The following PCNX2 variants were observed in gnomAD, a reference collection of about 807,000 sequenced individuals.
The protein encoded by PCNX2 is pecanex-like protein 2.
PCNX2 carries 168 observed loss-of-function variants against 223.8 expected under a neutral mutation model. The ratio of observed to expected loss-of-function variants is 0.75; its 90% confidence interval spans 0.66 to 0.85. PCNX2 has a LOEUF of 0.85. PCNX2 is among the 40% of genes least tolerant of loss of function. The probability of loss-of-function intolerance (pLI) is 0.00; values close to 1 mark genes in which losing one functional copy is unlikely to be tolerated. For synonymous variants in PCNX2, 1,006 were observed against 1,052.6 expected (o/e 0.96, Z 0.86); for missense variants, 2,507 against 2,675.5 (o/e 0.94, Z 1.39).
intron 27 of PCNX2, among the ~76,000 whole-genome samples, chr1:233,016,235 A>G (rs1670650671): frequency 2.0e-5 from 3 of 152,304 alleles, no homozygotes; most frequent in Admixed American, 2.0e-4. Context: ...AGGACATGCC[A>G]CAGACTGCAT....
chr1:233,265,533 T>C (rs375211182), intron 1 of PCNX2, among the ~76,000 whole-genome samples: 1 of 152,200 alleles, frequency 6.6e-6, no homozygotes, highest in African/African-American at 2.4e-5. Flanking sequence ...GTTTTCCAGA[T>C]GATATGTCTA....
chr1:233,273,630 A>ATT (rs386369983), intron 1 of PCNX2, among the ~76,000 whole-genome samples: 28,208 of 146,354 alleles, frequency 0.19, 2,675 homozygotes, highest in South Asian at 0.26. Context: ...CTCTTTTGGC[A>ATT]TTTTTTTTTT....
intron 1 of PCNX2, among the ~76,000 whole-genome samples, chr1:233,283,532 A>C (rs897371639): frequency 5.3e-5 from 8 of 152,214 alleles, no homozygotes; most frequent in African/African-American, 1.9e-4. Flanking sequence ...GATATATCCA[A>C]GAAAACTCAT....
chr1:233,191,124 G>A (rs1261790995), intron 15 of PCNX2, among the ~76,000 whole-genome samples: 6 of 152,168 alleles, frequency 3.9e-5, no homozygotes, highest in Admixed American at 3.9e-4. Context: ...GCAAGAAAAA[G>A]TTGTGTAACA....
At chr1:233,102,707 T>C (rs950833221) in intron 21 of PCNX2, among the ~76,000 whole-genome samples, 1 of 151,990 alleles carries the variant, frequency 6.6e-6, no homozygotes, top group Admixed American at 6.5e-5. Flanking sequence ...TTCTAAATTG[T>C]TATTAATTTT....
intron 21 of PCNX2, among the ~76,000 whole-genome samples, chr1:233,119,449 G>A (rs1675628243): frequency 6.8e-6 from 1 of 146,206 alleles, no homozygotes. Flanking sequence ...GCCGGGCGTG[G>A]TGGTGGGCGC....
At chr1:233,143,047 C>T (rs942663365) in intron 19 of PCNX2, among the ~76,000 whole-genome samples, 2 of 152,200 alleles carry the variant, frequency 1.3e-5, no homozygotes, top group Non-Finnish European at 2.9e-5. Flanking sequence ...AAATCTATAA[C>T]TCAATATCTC....
intron 23 of PCNX2, among the ~76,000 whole-genome samples, chr1:233,063,617 T>C (rs928387523): frequency 2.6e-5 from 4 of 152,190 alleles, no homozygotes. Context: ...GAAATGTGAA[T>C]TTATTTTAGT....
intron 1 of PCNX2, among the ~76,000 whole-genome samples, chr1:233,278,182 AC>A (rs35271255): frequency 0.11 from 16,555 of 152,166 alleles, 948 homozygotes; most frequent in South Asian, 0.16. Flanking sequence ...CGCAGTCAAC[AC>A]TGGGCCCTTT....
intron 19 of PCNX2, among the ~76,000 whole-genome samples, chr1:233,156,733 C>T (rs1678155208): frequency 6.6e-6 from 1 of 152,136 alleles, no homozygotes; most frequent in Admixed American, 6.6e-5. Flanking sequence ...GACTGGCCAA[C>T]ATGGTGAAAC....
intron 26 of PCNX2, among the ~76,000 whole-genome samples, chr1:233,024,190 T>C (rs3766478): frequency 0.48 from 72,405 of 152,176 alleles, 20,528 homozygotes; most frequent in African/African-American, 0.8. Context: ...TCTGGGATTA[T>C]AGGCGTGAAC....
chr1:233,130,645 C>T (rs575981105), intron 21 of PCNX2, among the ~76,000 whole-genome samples: 24 of 151,920 alleles, frequency 1.6e-4, no homozygotes, highest in African/African-American at 5.6e-4. Context: ...CCACTGTGCC[C>T]GGCTAATTTT....
chr1:233,105,643 G>C (rs902162591), intron 21 of PCNX2, among the ~76,000 whole-genome samples: 5 of 152,196 alleles, frequency 3.3e-5, no homozygotes, highest in African/African-American at 1.2e-4. Context: ...CAGAAACAAT[G>C]CAGGGATGAT....
intron 5 of PCNX2, among the ~76,000 whole-genome samples, chr1:233,257,198 C>A (rs551307465): frequency 1.9e-4 from 29 of 152,208 alleles, no homozygotes; most frequent in African/African-American, 6.5e-4. Context: ...TTTTTATGAG[C>A]AAGGACTGTG....
At chr1:233,217,441 G>A (rs1218433640) in intron 12 of PCNX2, among the ~76,000 whole-genome samples, 1 of 152,052 alleles carries the variant, frequency 6.6e-6, no homozygotes, top group Non-Finnish European at 1.5e-5. Flanking sequence ...TACTGTTATA[G>A]CACATTAAAT....
At chr1:233,045,475 C>T (rs1479954793) in intron 25 of PCNX2, among the ~76,000 whole-genome samples, 2 of 152,236 alleles carry the variant, frequency 1.3e-5, no homozygotes, top group South Asian at 2.1e-4. Context: ...GTGTAACAGA[C>T]GTCTGTTGCA....
rs1439349566 is a variant in PCNX2 at position 233,258,380 on chromosome 1, G to C, written c.1482C>G (p.Ser494=). Residue 494 remains serine, a synonymous_variant, in exon 5 of 34, where the codon TCC becomes TCG. Transcript: ENST00000258229. ...SSSREPWESV[S]RLTPDTGSES... ...CGGAGCCTGTATCAGGTGTAAGCCG[G>C]GACACCGATTCCCAGGGTTCCCGTG... is the stretch of plus-strand genomic sequence containing the variant. 2 of 1,613,796 alleles carry C rather than the reference G, an allele frequency of 1.2e-6. No homozygotes were observed. The highest frequency in any genetic ancestry group is 1.7e-6 in the Non-Finnish European group (2 of 1,179,880).
At chr1:233,100,110 A>C (rs527406725) in intron 21 of PCNX2, among the ~76,000 whole-genome samples, 1 of 152,322 alleles carries the variant, frequency 6.6e-6, no homozygotes, top group Admixed American at 6.5e-5. Context: ...CTAGGAAAAG[A>C]GTAAAGAAAA....
chr1:233,236,227 C>T (rs1658404833), intron 9 of PCNX2, among the ~76,000 whole-genome samples: 1 of 151,978 alleles, frequency 6.6e-6, no homozygotes, highest in Non-Finnish European at 1.5e-5. Flanking sequence ...ATCTGCAGCT[C>T]TAACTTCATG....
Sources: allele counts gnomAD v4.1 joint callset (sites outside exome capture counted in the v4.1 genomes callset), GRCh38; gene constraint gnomAD v4.1.1; transcripts MANE v1.5; gene names NCBI Gene and HGNC (gene_info 2026-07-23, HGNC 2026-07-21).